The following MROH1 variants were observed in gnomAD, a reference collection of about 807,000 sequenced individuals.
MROH1 encodes the protein maestro heat like repeat family member 1.
Under a neutral mutation model 116.5 loss-of-function variants are expected in MROH1, and 117 were observed. The observed-to-expected ratio is 1.00, with a 90% confidence interval of 0.86 to 1.17. The LOEUF (loss-of-function observed/expected upper bound fraction) is 1.17, where lower values mean the gene tolerates loss of function less well. MROH1 is among the 50% of genes most tolerant of loss of function. The pLI is 0.00. For synonymous variants in MROH1, 921 were observed against 583.9 expected (o/e 1.58, Z -8.32); for missense variants, 1,873 against 1,338.5 (o/e 1.40, Z -6.23).
At position 144,250,281 on chromosome 8, in the gene MROH1, G is replaced by T; in HGVS notation, c.3343G>T (p.Ala1115Ser). ...EAQGEHVLPA[A>S]QHSVYLLATQ... The stretch of plus-strand genomic sequence containing the variant: ...CCAGGGAGAGCACGTCCTGCCGGCC[G>T]CCCAGCACAGCGTGTACCTCCTGGC... The change falls in exon 33 of 44, where the codon GCC becomes TCC. Residue 1115 changes from alanine to serine, a missense_variant. Transcript: ENST00000326134. 2.6e-6 allele frequency: 2 copies of T among 766,522 alleles called. No individual in the cohort carries two copies. Among genetic ancestry groups the T allele is most frequent in the Admixed American group, 1.7e-5 (1 of 58,282 alleles). The allele number at this position is 766,522 out of a possible 1,614,324, so 47.5% of individuals were successfully genotyped here.
At position 144,180,892 on chromosome 8, in the gene MROH1, C is replaced by T. The variant is rs568543806; in HGVS notation, c.562+369C>T. ...CATCCCAGGACCCAGGGGATGGGGG[C>T]ACATTCATTCACCCCCACCCTCTGC... On this transcript the variant is annotated intron_variant, in intron 7 of 43. Transcript: ENST00000326134. This position sits in a 1 kb window ranked among gnomAD's most constrained non-coding sequence, Gnocchi z 7.4. Among the ~76,000 whole-genome samples the T allele has an allele frequency of 6.6e-6, 1 of 152,096 alleles. No individual in the cohort carries two copies. The highest frequency in any genetic ancestry group is 2.4e-5 in the African/African-American group (1 of 41,488).
intron 28 of MROH1, 32 bp downstream of exon 28, chr8:144,244,571 GA>G: frequency 2.7e-6 from 2 of 729,206 alleles, no homozygotes; most frequent in South Asian, 2.9e-5. Context: ...TGGGGATGGG[GA>G]TGGGGGCACA....
At chr8:144,256,193 C>A (rs1272015065) in intron 35 of MROH1, among the ~76,000 whole-genome samples, 1 of 152,158 alleles carries the variant, frequency 6.6e-6, no homozygotes, top group Non-Finnish European at 1.5e-5. Context: ...ACACACCTGC[C>A]TGGGGCCATA....
At chr8:144,239,510 G>GCA in intron 17 of MROH1, 104 bp from the exon 18 acceptor site, 1 of 760,646 alleles carries the variant, frequency 1.3e-6, no homozygotes. Context: ...CCAGCTTTGG[G>GCA]AAGAGCCAGG....
At chr8:144,184,196 G>A (rs779878967) in intron 7 of MROH1, among the ~76,000 whole-genome samples, 3 of 152,220 alleles carry the variant, frequency 2.0e-5, no homozygotes, top group Non-Finnish European at 2.9e-5. Context: ...GACGTTAGCC[G>A]TGTAAATGGG....
At chr8:144,241,717 A>C (rs1236601925) in intron 22 of MROH1, among the ~76,000 whole-genome samples, 200 bp downstream of exon 22, 2 of 152,232 alleles carry the variant, frequency 1.3e-5, no homozygotes, top group African/African-American at 4.8e-5. Flanking sequence ...TCCCGGAGGC[A>C]AACGTAGCTG....
rs191146708 is a variant in MROH1, at chr8:144,176,416, G to A, written c.169-3039G>A. 2.0e-3 allele frequency among the ~76,000 whole-genome samples: 295 copies of A among 150,758 alleles called. 2 individuals are homozygous for A. Among genetic ancestry groups the A allele is most frequent in the African/African-American group, 6.7e-3 (277 of 41,128 alleles). ...CTGAGTGTGGTGGTGTGTGCCTGTA[G>A]TCCCAGCTACTTGAGAGGTTGTGGC... On this transcript the variant is annotated intron_variant, in intron 4 of 43. Coordinates refer to ENST00000326134, the MANE Select transcript of MROH1 (RefSeq NM_032450.3).
intron 32 of MROH1, 138 bp downstream of exon 32, chr8:144,249,167 G>A (rs1842421691): frequency 3.0e-6 from 2 of 661,572 alleles, no homozygotes; most frequent in Non-Finnish European, 5.5e-6. Flanking sequence ...GCCCTGGCCT[G>A]TCCTGGACCA....
rs1012866707 is a variant in MROH1, at chr8:144,240,608, G to T, written c.1866G>T (p.Ala622=). 7.0e-6 allele frequency: 5 copies of T among 717,598 alleles called. No individual in the cohort carries two copies. The highest frequency in any genetic ancestry group is 2.0e-5 in the Admixed American group (1 of 50,022). The allele number at this position is 717,598 out of a possible 1,614,324, so 44.5% of individuals were successfully genotyped here. The change falls in exon 20 of 44, where the codon GCG becomes GCT. Residue 622 remains alanine (A), a synonymous_variant. Transcript: ENST00000326134. ...CCCTGGCCATCATTTCTGACAACGC[G>T]TGGATCTGCCAGCTGAGCCTGGAGC... The part of the protein sequence containing the change: ...RDTLAIISDN[A]WICQLSLELC...
In MROH1 at chr8:144,167,225, G is replaced by T. The variant is rs577556103; in HGVS notation, c.23-1070G>T. On this transcript the variant is annotated intron_variant, in intron 3 of 43. Coordinates refer to ENST00000326134, the MANE Select transcript of MROH1 (RefSeq NM_032450.3). ...TGGCCAGATGTGGGGTGGAGTGGCC[G>T]GTTGTGGGGTGGAGTGGCCGGTTGT... Among the ~76,000 whole-genome samples the T allele has an allele frequency of 2.7e-5, 4 of 146,472 alleles. No individual in the cohort carries two copies. In the East Asian group the frequency reaches 8.3e-4, roughly 30 times the overall value.
chr8:144,233,573 A>C (rs782739235), intron 14 of MROH1, among the ~76,000 whole-genome samples: 5 of 150,894 alleles, frequency 3.3e-5, no homozygotes, highest in African/African-American at 4.9e-5. Flanking sequence ...TGCTCGAGGC[A>C]CTTCGTGTAA....
At chr8:144,253,589 C>T (rs1335020870) in intron 33 of MROH1, among the ~76,000 whole-genome samples, 1 of 152,160 alleles carries the variant, frequency 6.6e-6, no homozygotes, top group Non-Finnish European at 1.5e-5. Context: ...TGCCTGCCCT[C>T]CTGTGCATTT....
At chr8:144,172,536 T>C (rs1409137125) in intron 4 of MROH1, among the ~76,000 whole-genome samples, 2 of 151,770 alleles carry the variant, frequency 1.3e-5, no homozygotes, top group African/African-American at 2.4e-5. Flanking sequence ...CTCAGCCTCC[T>C]GAGTAGCTGG....
intron 13 of MROH1, among the ~76,000 whole-genome samples, chr8:144,222,719 T>G (rs1375826882): frequency 1.3e-5 from 2 of 151,394 alleles, no homozygotes; most frequent in East Asian, 3.9e-4. Flanking sequence ...GATGCAGGTA[T>G]GGATGCAGGC....
At chr8:144,213,206 GC>G in intron 12 of MROH1, 1 of 698,604 alleles carries the variant, frequency 1.4e-6, no homozygotes, top group South Asian at 1.5e-5. Context: ...GTGGCCCTCA[GC>G]CCCATCCTCT....
At chr8:144,206,615 G>T (rs973894486) in intron 12 of MROH1, among the ~76,000 whole-genome samples, 1 of 151,320 alleles carries the variant, frequency 6.6e-6, no homozygotes, top group Admixed American at 6.6e-5. Flanking sequence ...TAGAGATGGG[G>T]TTTCGCCATG....
chr8:144,241,599 T>G (rs1840986309), intron 22 of MROH1, 82 bp downstream of exon 22: 21 of 770,734 alleles, frequency 2.7e-5, no homozygotes, highest in Non-Finnish European at 2.4e-6. Context: ...CGGGCTGGAG[T>G]GGGGCAGGAA....
intron 4 of MROH1, among the ~76,000 whole-genome samples, chr8:144,174,391 T>A (rs898345873): frequency 6.6e-6 from 1 of 151,908 alleles, no homozygotes; most frequent in South Asian, 2.1e-4. Flanking sequence ...ATTACAGGCA[T>A]GAACCACCAT....
chr8:144,248,850 C>A, intron 31 of MROH1, 27 bp from the exon 32 acceptor site: 1 of 775,986 alleles, frequency 1.3e-6, no homozygotes, highest in Non-Finnish European at 2.4e-6. Context: ...CCCCTTCCCT[C>A]AACCTCTGGC....
Sources: gnomAD v4.1 joint callset for allele counts (sites outside exome capture counted in the v4.1 genomes callset) on GRCh38, gnomAD v4.1.1 for gene constraint, Gnocchi (gnomAD v3.1) non-coding constraint, MANE v1.5 for transcripts, NCBI Gene and HGNC (gene_info 2026-07-23, HGNC 2026-07-21) for gene names.